Variants in MDM4 observed in about 807,000 individuals in gnomAD.
MDM4 encodes the protein MDM4 regulator of p53.
In MDM4, 2 loss-of-function variants were observed where a neutral mutation model predicts 60.2. That is an observed-to-expected ratio of 0.03 (90% CI 0.01 to 0.10). The LOEUF (loss-of-function observed/expected upper bound fraction) is 0.10. MDM4 is among the 10% of genes least tolerant of loss of function. The pLI is 1.00. For missense variants in MDM4, 447 were observed against 577.5 expected (o/e 0.77, Z 2.32); for synonymous variants, 202 against 198.1 (o/e 1.02, Z -0.17).
At chr1:204,517,256 A>G (rs1176149794) in intron 1 of MDM4, among the ~76,000 whole-genome samples, 1 of 151,496 alleles carries the variant, frequency 6.6e-6, no homozygotes, top group Non-Finnish European at 1.5e-5. Flanking sequence ...AAAAAAAAAG[A>G]AAAAATGTTC....
Position 204,523,177 on chromosome 1 carries a change from A to C in MDM4, c.-35-2307A>C, listed in dbSNP as rs531911227. On this transcript the variant is annotated intron_variant, in intron 1 of 10. Transcript: ENST00000367182. ...CGTGCCCGGCTGATAGTCTTAAAAAAATTTTTTTTTGTCCAGACGTGGTGG... is the reference window on the plus strand; with the variant it reads ...CGTGCCCGGCTGATAGTCTTAAAAACATTTTTTTTTGTCCAGACGTGGTGG... 3.7e-3 allele frequency among the ~76,000 whole-genome samples: 556 copies of C among 150,548 alleles called. 3 individuals carry two copies. The highest frequency in any genetic ancestry group is 0.021 in the Middle Eastern group (6 of 290).
At chr1:204,518,740 A>G (rs1338898571) in intron 1 of MDM4, among the ~76,000 whole-genome samples, 1 of 152,182 alleles carries the variant, frequency 6.6e-6, no homozygotes, top group Non-Finnish European at 1.5e-5. Flanking sequence ...ATCTTGGCTC[A>G]CTGCAACCTC....
At position 204,544,665 on chromosome 1, in the gene MDM4, G is replaced by A. The variant is rs771363738; in HGVS notation, c.803G>A (p.Gly268Glu). Residue 268 changes from glycine to glutamate, a missense_variant, in exon 9 of 11, where the codon GGG becomes GAG. By Grantham distance (98) the Gly-to-Glu change is moderately conservative. This residue lies in a region of MDM4 where 184 missense variants were observed against 179.3 expected (regional missense o/e 1.03). Coordinates refer to ENST00000367182, the MANE Select transcript of MDM4 (RefSeq NM_002393.5). Reference sequence around the variant, plus strand: ...ACTGAACAAACAAGTGAAGAAGTAGGGAAAGTAAGTGACAAAAAGGTATGT... The same window carrying A: ...ACTGAACAAACAAGTGAAGAAGTAGAGAAAGTAAGTGACAAAAAGGTATGT... ...ADTEQTSEEV[G>E]KVSDKKVIEV... 6.2e-7 allele frequency: 1 copy of A among 1,612,280 alleles called. No individual in the cohort carries two copies. The highest frequency in any genetic ancestry group is 1.7e-5 in the Admixed American group (1 of 59,952).
Position 204,556,722 on chromosome 1 carries a change from A to G in MDM4, c.*7040A>G, listed in dbSNP as rs1176125709. The stretch of plus-strand genomic sequence containing the variant: ...AATTGAGGTCAGGCTTCCTTCTTAC[A>G]GAATTATTTTTTTCTCTGTAGTTTG... On this transcript the variant is annotated 3_prime_UTR_variant, in exon 11 of 11. Transcript: ENST00000367182. The G allele has an allele frequency of 4.7e-6, 1 of 213,242 alleles. No individual in the cohort carries two copies. Among genetic ancestry groups the G allele is most frequent in the African/African-American group, 2.3e-5 (1 of 44,234 alleles). The allele number at this position is 213,242 out of a possible 1,614,324, so 13.2% of individuals were successfully genotyped here. A position where few individuals can be genotyped will look rare whatever the true frequency, so the allele number is the denominator to read the frequency against.
chr1:204,536,963 G>A, intron 5 of MDM4: 1 of 387,646 alleles, frequency 2.6e-6, no homozygotes, highest in Non-Finnish European at 5.0e-6. Flanking sequence ...AAGCAAACGG[G>A]GAAAAATCCA....
chr1:204,529,538 T>G, intron 3 of MDM4: 1 of 1,497,410 alleles, frequency 6.7e-7, no homozygotes, highest in Non-Finnish European at 9.0e-7. Context: ...CATAAGGCCC[T>G]CCAGGGGCAG....
At chr1:204,529,266 G>T in intron 3 of MDM4, 2 of 734,710 alleles carry the variant, frequency 2.7e-6, no homozygotes, top group South Asian at 1.5e-5. Context: ...AGTTGCAGTT[G>T]ACCAGAGCCT....
At chr1:204,517,629 A>G (rs1402354530) in intron 1 of MDM4, among the ~76,000 whole-genome samples, 2 of 151,968 alleles carry the variant, frequency 1.3e-5, no homozygotes, top group African/African-American at 2.4e-5. Flanking sequence ...CTCGAACTCC[A>G]GACCTCAGGT....
chr1:204,538,356 C>A, intron 7 of MDM4, 48 bp downstream of exon 7: 1 of 965,710 alleles, frequency 1.0e-6, no homozygotes, highest in Non-Finnish European at 1.6e-6. Flanking sequence ...CTTCCTCTTC[C>A]AACCTTTTTA....
chr1:204,529,579 C>T (rs1357702394), intron 3 of MDM4: 17 of 1,406,990 alleles, frequency 1.2e-5, no homozygotes, highest in South Asian at 5.4e-5. Flanking sequence ...GGGGGTAGCA[C>T]GCTGCCATAC....
intron 3 of MDM4, chr1:204,529,285 T>C (rs1660598821): frequency 1.3e-6 from 1 of 746,848 alleles, no homozygotes; most frequent in South Asian, 1.5e-5. Flanking sequence ...CTGCTTCACC[T>C]CCTTCATGGA....
chr1:204,530,935 A>G (rs1660793243), intron 4 of MDM4, 118 bp downstream of exon 4: 2 of 1,327,054 alleles, frequency 1.5e-6, no homozygotes, highest in Admixed American at 2.0e-5. Flanking sequence ...TACATATGTT[A>G]GGTAGCCTAT....
At chr1:204,527,537 G>A (rs1276689953) in intron 3 of MDM4, among the ~76,000 whole-genome samples, 1 of 151,884 alleles carries the variant, frequency 6.6e-6, no homozygotes, top group Non-Finnish European at 1.5e-5. Flanking sequence ...CAGCTACTTG[G>A]GAGGCTGAGG....
chr1:204,551,485 T>C lies in MDM4; in HGVS notation c.*1803T>C, dbSNP rs912755104. 1,227 of 127,190 alleles carry C rather than the reference T, an allele frequency of 9.6e-3. 22 individuals are homozygous for C. The highest frequency in any genetic ancestry group is 0.015 in the Non-Finnish European group (880 of 60,250). 7.9% of individuals were successfully genotyped at this position (127,190 alleles called of 1,614,324 possible). A position where few individuals can be genotyped will look rare whatever the true frequency, so the allele number is the denominator to read the frequency against. Reference sequence around the variant, plus strand: ...TCTTTTTTTTTTTTTTTTTTTTTTTTTTTTTGGAGGATAGGGAGTATGGCT... The same window carrying C: ...TCTTTTTTTTTTTTTTTTTTTTTTTCTTTTTGGAGGATAGGGAGTATGGCT... On this transcript the variant is annotated 3_prime_UTR_variant, in exon 11 of 11. Transcript: ENST00000367182.
chr1:204,526,211 A>T, intron 2 of MDM4, 149 bp from the exon 3 acceptor site: 1 of 630,110 alleles, frequency 1.6e-6, no homozygotes, highest in Admixed American at 2.7e-5. Flanking sequence ...ACCTGTGATC[A>T]CACCACTGCA....
intron 7 of MDM4, among the ~76,000 whole-genome samples, chr1:204,539,679 G>A (rs897542812): frequency 6.6e-6 from 1 of 151,854 alleles, no homozygotes; most frequent in Non-Finnish European, 1.5e-5. Context: ...TGGGATTACA[G>A]GCGTGCACCA....
At chr1:204,522,134 C>A (rs1659629979) in intron 1 of MDM4, among the ~76,000 whole-genome samples, 1 of 151,734 alleles carries the variant, frequency 6.6e-6, no homozygotes, top group South Asian at 2.1e-4. Flanking sequence ...GAGTTTGAGA[C>A]CAGCCTGGGC....
At chr1:204,521,769 T>G (rs552392513) in intron 1 of MDM4, among the ~76,000 whole-genome samples, 5 of 152,334 alleles carry the variant, frequency 3.3e-5, no homozygotes, top group African/African-American at 7.2e-5. Context: ...TGCTCTACCA[T>G]GTATGTAGTT....
intron 5 of MDM4, chr1:204,536,848 GA>G (rs35493922): frequency 0.42 from 110,488 of 266,206 alleles, 25,890 homozygotes; most frequent in Non-Finnish European, 0.49. Context: ...ATAAGACAAT[GA>G]AAAAAATTAA....
Sources: allele counts gnomAD v4.1 joint callset (sites outside exome capture counted in the v4.1 genomes callset), GRCh38; gene constraint gnomAD v4.1.1; regional missense constraint gnomAD v4.1.1; transcripts MANE v1.5; gene names NCBI Gene and HGNC (gene_info 2026-07-23, HGNC 2026-07-21).